TACC3: variants seen among roughly 807,000 people sequenced by gnomAD.
The protein encoded by TACC3 is transforming acidic coiled-coil containing protein 3, also known as transforming acidic coiled-coil-containing protein 3.
In TACC3, 52 loss-of-function variants were observed where a neutral mutation model predicts 86.0. That is an observed-to-expected ratio of 0.60 (90% CI 0.48 to 0.76). The LOEUF is 0.76. Among genes scored for constraint, TACC3 ranks in the 30% least tolerant of loss-of-function variants. TACC3 has a pLI of 0.00. For synonymous variants in TACC3, 512 were observed against 430.0 expected, an observed-to-expected ratio of 1.19 and a Z score of -2.36; for missense variants, 1,120 against 1,070.4, an observed-to-expected ratio of 1.05 and a Z score of -0.65.
chr4:1,740,093 A>C (rs1455157547), intron 12 of TACC3, 91 bp downstream of exon 12: 2 of 1,340,448 alleles, frequency 1.5e-6, no homozygotes, highest in Non-Finnish European at 2.1e-6. Context: ...CTAGGACCCC[A>C]CCCTCCTGAG....
chr4:1,737,423 C>A, intron 9 of TACC3, 95 bp downstream of exon 9: 1 of 1,340,930 alleles, frequency 7.5e-7, no homozygotes, highest in Non-Finnish European at 1.1e-6. Context: ...GGGGTCTGAG[C>A]CTTTGGTTTT....
Position 1,745,144 on chromosome 4 carries a change from C to A in TACC3, c.*131C>A. On this transcript the variant is annotated 3_prime_UTR_variant, in exon 16 of 16. Transcript: ENST00000313288. ...AAACTAGATTGCTTTGAAAACATGA[C>A]TCAATAAAAGTTTCCTTTCAATTTA... The A allele has an allele frequency of 1.0e-6, 1 of 1,002,704 alleles. No individual in the cohort carries two copies. The highest frequency in any genetic ancestry group is 1.4e-6 in the Non-Finnish European group (1 of 690,212). The allele number at this position is 1,002,704 out of a possible 1,614,324, so 62.1% of individuals were successfully genotyped here. A position where few individuals can be genotyped will look rare whatever the true frequency, so the allele number is the denominator to read the frequency against.
At chr4:1,726,622 C>T (rs1362035265) in intron 3 of TACC3, among the ~76,000 whole-genome samples, 2 of 152,192 alleles carry the variant, frequency 1.3e-5, no homozygotes, top group African/African-American at 4.8e-5. Context: ...TTAAGTGGTG[C>T]ACACCCTTCA....
intron 1 of TACC3, among the ~76,000 whole-genome samples, chr4:1,722,705 A>T (rs937381437): frequency 1.3e-5 from 2 of 151,930 alleles, no homozygotes; most frequent in Non-Finnish European, 2.9e-5. Context: ...TCCCTACGTC[A>T]TTCCCTAGAC....
In TACC3 at chr4:1,740,982, G is replaced by A. The variant is rs1321749685; in HGVS notation, c.2219G>A (p.Arg740His). The A allele has an allele frequency of 7.5e-6, 12 of 1,604,900 alleles. No individual in the cohort carries two copies. The highest frequency in any genetic ancestry group is 3.4e-5 in the South Asian group (3 of 89,344). Reference sequence around the variant, plus strand: ...CAGAAAGAGGTGATCGAGGGCTACCGCAAGGTATGTCTCCGCCACCCTGGT... The same window carrying A: ...CAGAAAGAGGTGATCGAGGGCTACCACAAGGTATGTCTCCGCCACCCTGGT... Reference protein sequence around the residue: ...EKQKEVIEGYRKNEESLKKCV... With the variant: ...EKQKEVIEGYHKNEESLKKCV... The change falls in exon 13 of 16, where the codon CGC becomes CAC. Residue 740 changes from arginine (R) to histidine (H), a missense_variant. Arg to His is a conservative substitution (Grantham distance 29). Coordinates refer to ENST00000313288, the MANE Select transcript of TACC3 (RefSeq NM_006342.3).
chr4:1,726,318 C>T (rs1434734442), intron 3 of TACC3, among the ~76,000 whole-genome samples: 1 of 152,228 alleles, frequency 6.6e-6, no homozygotes, highest in Non-Finnish European at 1.5e-5. Flanking sequence ...TCCTGCACCT[C>T]AGCCCTGCCC....
At chr4:1,743,325 C>T (rs1049612553) in intron 13 of TACC3, among the ~76,000 whole-genome samples, 8 of 150,602 alleles carry the variant, frequency 5.3e-5, no homozygotes, top group African/African-American at 7.3e-5. Context: ...GAGGCCGAGG[C>T]GGGTGGATCA....
At chr4:1,736,587 A>C (rs1204197529) in intron 8 of TACC3, among the ~76,000 whole-genome samples, 2 of 152,162 alleles carry the variant, frequency 1.3e-5, no homozygotes, top group East Asian at 3.9e-4. Context: ...AGAACTGAGT[A>C]GTGTGACAGA....
intron 4 of TACC3, 45 bp downstream of exon 4, chr4:1,728,832 C>T: frequency 6.5e-7 from 1 of 1,543,810 alleles, no homozygotes. Flanking sequence ...GGGCAGCTGC[C>T]CTGCAGTGTA....
At chr4:1,739,912 C>T (rs200559892) in intron 11 of TACC3, 47 bp from the exon 12 acceptor site, 27 of 1,610,742 alleles carry the variant, frequency 1.7e-5, no homozygotes, top group Admixed American at 5.0e-5. Context: ...GGCCTGGGAC[C>T]GCTGGGCACC....
chr4:1,744,821 G>A lies in TACC3; in HGVS notation c.2440G>A (p.Val814Met). The change falls in exon 15 of 16, where the codon GTG (valine) becomes ATG (methionine). Residue 814 changes from valine (V) to methionine (M), a missense_variant. Physicochemically the swap from Val to Met is conservative, Grantham distance 21. Transcript: ENST00000313288. ...QMRIQSLEKT[V>M]EQKTKENEEL... ...GCGCATCCAGTCGCTGGAGAAGACA[G>A]TGGAGCAGAAGGTGGGTGCGGGAAG... is the stretch of plus-strand genomic sequence containing the variant. 6.2e-7 allele frequency: 1 copy of A among 1,612,996 alleles called. No homozygotes were observed. The highest frequency in any genetic ancestry group is 8.5e-7 in the Non-Finnish European group (1 of 1,180,028).
chr4:1,727,560 T>TG lies in TACC3; in HGVS notation c.306-142dup, dbSNP rs534867729. 3,467 of 1,276,802 alleles carry TG rather than the reference T, an allele frequency of 2.7e-3. 7 individuals are homozygous for TG. Among genetic ancestry groups the TG allele is most frequent in the Non-Finnish European group, 3.0e-3 (2,737 of 926,134 alleles). The allele number at this position is 1,276,802 out of a possible 1,614,324, so 79.1% of individuals were successfully genotyped here. The stretch of plus-strand genomic sequence containing the variant: ...AAGGAACTACATTGAGGAACTGAGG[T>TG]GGGGGGTGGAGAACGGGAAGCCGTG... On this transcript the variant is annotated intron_variant, in intron 3 of 15. Coordinates refer to ENST00000313288, the MANE Select transcript of TACC3 (RefSeq NM_006342.3).
chr4:1,743,342 C>G (rs1008055388), intron 13 of TACC3, among the ~76,000 whole-genome samples: 9 of 150,580 alleles, frequency 6.0e-5, no homozygotes, highest in African/African-American at 2.0e-4. Flanking sequence ...ATCACGAGAT[C>G]AGGAGTTTGA....
At chr4:1,731,011 A>G in intron 5 of TACC3, 49 bp downstream of exon 5, 1 of 1,609,466 alleles carries the variant, frequency 6.2e-7, no homozygotes, top group South Asian at 1.1e-5. Flanking sequence ...GGTCGTGTAG[A>G]AGAGTAGCAG....
intron 6 of TACC3, among the ~76,000 whole-genome samples, chr4:1,732,767 C>G (rs546792652): frequency 6.6e-6 from 1 of 152,238 alleles, no homozygotes; most frequent in Non-Finnish European, 1.5e-5. Context: ...GTTTCCGAGT[C>G]CTGGCCATGC....
rs1366180007 is a variant in TACC3, at chr4:1,727,775, G to A, written c.373G>A (p.Asp125Asn). ...HGILQKPVEA[D>N]TDLLGDASPA... Reference sequence around the variant, plus strand: ...AATTCTACAGAAACCAGTGGAGGCTGACACCGACCTCCTGGGGGATGCAAG... The same window carrying A: ...AATTCTACAGAAACCAGTGGAGGCTAACACCGACCTCCTGGGGGATGCAAG... Residue 125 changes from aspartate to asparagine, a missense_variant, in exon 4 of 16, where the codon GAC becomes AAC. Transcript: ENST00000313288. 3.7e-6 allele frequency: 6 copies of A among 1,612,256 alleles called. No individual in the cohort carries two copies. In the Admixed American group the frequency reaches 5.0e-5, roughly 13 times the overall value.
At position 1,735,691 on chromosome 4, in the gene TACC3, G is replaced by A; in HGVS notation, c.1645-40G>A. The A allele has an allele frequency of 6.6e-7, 1 of 1,523,728 alleles. No individual in the cohort carries two copies. Among genetic ancestry groups the A allele is most frequent in the African/African-American group, 1.4e-5 (1 of 73,652 alleles). 94.4% of individuals were successfully genotyped at this position (1,523,728 alleles called of 1,614,324 possible). ...CCCTTAGCCCCCGTGTGTGTTAGGG[G>A]ATGGCAGTCAGACCTGATCACTTGC... On this transcript the variant is annotated intron_variant, in intron 7 of 15. Coordinates refer to ENST00000313288, the MANE Select transcript of TACC3 (RefSeq NM_006342.3). This position sits in a 1 kb window ranked among gnomAD's most constrained non-coding sequence, Gnocchi z 4.2.
At chr4:1,740,673 T>C (rs4865463) in intron 12 of TACC3, 153 bp from the exon 13 acceptor site, 506,427 of 659,030 alleles carry the variant, frequency 0.77, 196,950 homozygotes, top group East Asian at 0.85. Flanking sequence ...TAGAAGATCC[T>C]GGGTGGAGGG....
At chr4:1,730,823 G>A in intron 4 of TACC3, 64 bp from the exon 5 acceptor site, 1 of 1,542,546 alleles carries the variant, frequency 6.5e-7, no homozygotes, top group Non-Finnish European at 8.9e-7. Flanking sequence ...GCTCAGTGCT[G>A]GAGCAGGGGA....
Sources: gnomAD v4.1 joint callset for allele counts (sites outside exome capture counted in the v4.1 genomes callset) on GRCh38, gnomAD v4.1.1 for gene constraint, Gnocchi (gnomAD v3.1) non-coding constraint, MANE v1.5 for transcripts, NCBI Gene and HGNC (gene_info 2026-07-23, HGNC 2026-07-21) for gene names.